SGCZ: variants seen among roughly 807,000 people sequenced by gnomAD.
SGCZ encodes the protein zeta-sarcoglycan.
In SGCZ, 40 loss-of-function variants were observed where a neutral mutation model predicts 41.3. The observed-to-expected ratio is 0.97, with a 90% CI of 0.75 to 1.26. SGCZ has a LOEUF of 1.26. Among genes scored for constraint, SGCZ ranks in the 50% most tolerant of loss-of-function variants. The probability of loss-of-function intolerance (pLI) is 0.00; values close to 1 mark genes in which losing one functional copy is unlikely to be tolerated. For synonymous variants in SGCZ, 206 were observed against 137.5 expected (o/e 1.50, Z -3.49); for missense variants, 552 against 369.8 (o/e 1.49, Z -4.04).
intron 2 of SGCZ, among the ~76,000 whole-genome samples, chr8:14,410,471 A>G (rs1289374145): frequency 1.3e-5 from 2 of 152,006 alleles, no homozygotes; most frequent in Non-Finnish European, 2.9e-5. Flanking sequence ...TTCTATTTCA[A>G]AATTCACAGA....
chr8:14,899,467 G>T (rs1798888449), intron 1 of SGCZ, among the ~76,000 whole-genome samples: 1 of 152,202 alleles, frequency 6.6e-6, no homozygotes, highest in South Asian at 2.1e-4. Context: ...GTGATTTAGA[G>T]AAGGTGCTAC....
At position 14,796,692 on chromosome 8, in the gene SGCZ, G is replaced by C. The variant is rs567079821; in HGVS notation, c.40-241766C>G. 1.5e-3 allele frequency among the ~76,000 whole-genome samples: 229 copies of C among 152,128 alleles called. 5 individuals carry two copies. The highest frequency in any genetic ancestry group is 3.5e-3 in the Admixed American group (53 of 15,288). On this transcript the variant is annotated intron_variant, in intron 1 of 7. Coordinates refer to ENST00000382080, the MANE Select transcript of SGCZ (RefSeq NM_139167.4). ...CTCTTAGTAAACATCAACTCAACTG[G>C]GCAGAGGTAACAGATGTCAAAACTG... is the stretch of plus-strand genomic sequence containing the variant.
intron 2 of SGCZ, among the ~76,000 whole-genome samples, chr8:14,384,654 G>C (rs534593770): frequency 1.3e-5 from 2 of 152,144 alleles, no homozygotes; most frequent in African/African-American, 2.4e-5. Context: ...CCACCTCCTA[G>C]GCTCAAGCAA....
intron 3 of SGCZ, among the ~76,000 whole-genome samples, chr8:14,240,029 T>C (rs1798814724): frequency 1.3e-5 from 2 of 151,662 alleles, no homozygotes; most frequent in South Asian, 4.2e-4. Flanking sequence ...ATAGACTTGT[T>C]AGAATGGAAA....
intron 1 of SGCZ, among the ~76,000 whole-genome samples, chr8:14,883,865 A>G (rs1395829821): frequency 6.7e-6 from 1 of 149,330 alleles, no homozygotes; most frequent in Non-Finnish European, 1.5e-5. Context: ...TTCAAATATC[A>G]TAAGCCTTGA....
intron 4 of SGCZ, among the ~76,000 whole-genome samples, chr8:14,233,010 C>T (rs1183362459): frequency 1.3e-5 from 2 of 151,902 alleles, no homozygotes; most frequent in African/African-American, 2.4e-5. Context: ...CATAGGGCCC[C>T]ATAAGTAGCC....
chr8:14,710,184 T>C (rs1809467984), intron 1 of SGCZ, among the ~76,000 whole-genome samples: 2 of 149,342 alleles, frequency 1.3e-5, no homozygotes, highest in East Asian at 4.0e-4. Flanking sequence ...GGCTAACCTG[T>C]GAAACCCCGT....
At chr8:14,734,948 G>A (rs1386014073) in intron 1 of SGCZ, among the ~76,000 whole-genome samples, 3 of 152,154 alleles carry the variant, frequency 2.0e-5, no homozygotes, top group Non-Finnish European at 4.4e-5. Flanking sequence ...TTCATCAAAT[G>A]TTTGATTAAT....
chr8:14,685,739 T>A (rs113344862), intron 1 of SGCZ, among the ~76,000 whole-genome samples: 1 of 152,264 alleles, frequency 6.6e-6, no homozygotes, highest in East Asian at 1.9e-4. Context: ...GTAAAATGTA[T>A]GATTTAATTT....
chr8:14,702,729 AATGATAGATAGATAGATAG>A (rs1376204083), intron 1 of SGCZ, among the ~76,000 whole-genome samples: 29 of 139,370 alleles, frequency 2.1e-4, no homozygotes, highest in Admixed American at 1.4e-3. Context: ...TGCTGGCTTC[AATGATAGATAGATAGATAG>A]ATAGATAGAT....
At chr8:14,905,650 G>T (rs1263817793) in intron 1 of SGCZ, among the ~76,000 whole-genome samples, 1 of 152,058 alleles carries the variant, frequency 6.6e-6, no homozygotes, top group East Asian at 1.9e-4. Flanking sequence ...GTTTATCATA[G>T]TGTCAAATAG....
intron 1 of SGCZ, among the ~76,000 whole-genome samples, chr8:14,681,044 T>C (rs746123439): frequency 6.1e-5 from 9 of 148,326 alleles, no homozygotes; most frequent in African/African-American, 1.8e-4. Context: ...TTGAAATCCA[T>C]AGATGAAATT....
At position 14,164,688 on chromosome 8, in the gene SGCZ, C is replaced by T; in HGVS notation, c.439G>A (p.Glu147Lys). 1 of 1,613,438 alleles carries T rather than the reference C, an allele frequency of 6.2e-7. No homozygotes were observed. The highest frequency in any genetic ancestry group is 1.1e-5 in the South Asian group (1 of 91,054). Reference sequence around the variant, plus strand: ...ACTTCAAATCTTTTACACTGAGCTTCCACAGCATCAGCTCCTATGGTCAGA... The same window carrying T: ...ACTTCAAATCTTTTACACTGAGCTTTCACAGCATCAGCTCCTATGGTCAGA... ...GQLTIGADAV[E>K]AQCKRFEVRA... Residue 147 changes from glutamate to lysine, a missense_variant, in exon 5 of 8, where the codon GAA becomes AAA. By Grantham distance (56) the Glu-to-Lys change is moderately conservative. Coordinates refer to ENST00000382080, the MANE Select transcript of SGCZ (RefSeq NM_139167.4).
Position 14,102,470 on chromosome 8 carries a change from A to G in SGCZ, c.650T>C (p.Met217Thr). Residue 217 changes from methionine to threonine, a missense_variant, in exon 7 of 8, where the codon ATG becomes ACG. Coordinates refer to ENST00000382080, the MANE Select transcript of SGCZ (RefSeq NM_139167.4). ...CACCTGGACCCCACGGGGAGCTTCC[A>G]TGATCAAGGATCTGGTGGGTGATTC... The part of the protein sequence containing the change: ...RLESPTRSLI[M>T]EAPRGVQVSA... 1 of 1,491,578 alleles carries G rather than the reference A, an allele frequency of 6.7e-7. No individual in the cohort carries two copies. Among genetic ancestry groups the G allele is most frequent in the Non-Finnish European group, 9.1e-7 (1 of 1,104,294 alleles). 92.4% of individuals were successfully genotyped at this position (1,491,578 alleles called of 1,614,324 possible). A position where few individuals can be genotyped will look rare whatever the true frequency, so the allele number is the denominator to read the frequency against.
intron 1 of SGCZ, among the ~76,000 whole-genome samples, chr8:15,153,304 A>G (rs1799234640): frequency 6.6e-6 from 1 of 152,196 alleles, no homozygotes; most frequent in Admixed American, 6.6e-5. Context: ...CTAATGCATG[A>G]TATGCCTAAC....
At chr8:14,415,826 C>T (rs1033478620) in intron 2 of SGCZ, among the ~76,000 whole-genome samples, 5 of 151,944 alleles carry the variant, frequency 3.3e-5, no homozygotes, top group Non-Finnish European at 7.4e-5. Context: ...TACAGATGAT[C>T]AGTGCATTGA....
At chr8:14,194,354 G>A (rs1034391101) in intron 4 of SGCZ, among the ~76,000 whole-genome samples, 5 of 151,826 alleles carry the variant, frequency 3.3e-5, no homozygotes, top group Non-Finnish European at 7.4e-5. Context: ...ACCCCAGCTA[G>A]TGAAGAGATA....
chr8:14,157,283 A>G (rs1305368627), intron 5 of SGCZ, among the ~76,000 whole-genome samples: 1 of 148,766 alleles, frequency 6.7e-6, no homozygotes, highest in Non-Finnish European at 1.5e-5. Flanking sequence ...TAAAATGTAT[A>G]TACATATTAT....
At chr8:14,867,642 T>C (rs1803981385) in intron 1 of SGCZ, among the ~76,000 whole-genome samples, 1 of 152,022 alleles carries the variant, frequency 6.6e-6, no homozygotes, top group Non-Finnish European at 1.5e-5. Context: ...ATATGAGCCA[T>C]TATCCTTAGC....
Sources: allele counts gnomAD v4.1 joint callset (sites outside exome capture counted in the v4.1 genomes callset), GRCh38; gene constraint gnomAD v4.1.1; transcripts MANE v1.5; gene names NCBI Gene and HGNC (gene_info 2026-07-23, HGNC 2026-07-21).